Variants in DLG2 observed in about 807,000 individuals in gnomAD.
DLG2 encodes discs large MAGUK scaffold protein 2.
Under a neutral mutation model 132.5 loss-of-function variants are expected in DLG2, and 45 were observed. The observed-to-expected ratio is 0.34, with a 90% CI of 0.27 to 0.44. DLG2 has a LOEUF of 0.44. Ranked by LOEUF, DLG2 falls within the 20% of genes least tolerant of loss-of-function variation. DLG2 has a pLI of 1.00. For missense variants in DLG2, 1,045 were observed against 1,196.9 expected, an observed-to-expected ratio of 0.87 and a Z score of 1.87; for synonymous variants, 424 against 419.6, an observed-to-expected ratio of 1.01 and a Z score of -0.13.
intron 8 of DLG2, among the ~76,000 whole-genome samples, chr11:84,235,617 C>T (rs534650286): frequency 6.6e-6 from 1 of 152,268 alleles, no homozygotes; most frequent in East Asian, 1.9e-4. Flanking sequence ...CTGTCAACCA[C>T]AATCTCGAAC....
At chr11:85,390,384 A>G (rs2086697431) in intron 3 of DLG2, among the ~76,000 whole-genome samples, 1 of 152,182 alleles carries the variant, frequency 6.6e-6, no homozygotes, top group Non-Finnish European at 1.5e-5. Flanking sequence ...GACCTAAGAT[A>G]GACAGAAACA....
intron 6 of DLG2, among the ~76,000 whole-genome samples, chr11:84,834,546 AT>A (rs2079461887): frequency 6.6e-6 from 1 of 151,610 alleles, no homozygotes; most frequent in Admixed American, 6.6e-5. Flanking sequence ...AAAAGAACAT[AT>A]TGTGAAAAAA....
At chr11:84,123,842 T>C (rs966588586) in intron 9 of DLG2, among the ~76,000 whole-genome samples, 10 of 152,188 alleles carry the variant, frequency 6.6e-5, no homozygotes, top group Admixed American at 3.9e-4. Context: ...ATCAGAAATA[T>C]AGGAGAAATT....
chr11:84,171,027 T>C (rs2095807518), intron 8 of DLG2, among the ~76,000 whole-genome samples: 1 of 152,148 alleles, frequency 6.6e-6, no homozygotes, highest in Non-Finnish European at 1.5e-5. Flanking sequence ...AACTAAATAG[T>C]GGTATCACTT....
In DLG2 at chr11:84,272,464, T is replaced by G. The variant is rs143035491; in HGVS notation, c.520-21173A>C. Among the ~76,000 whole-genome samples the G allele has an allele frequency of 7.5e-3, 1,137 of 152,312 alleles. 13 individuals are homozygous for G. Among genetic ancestry groups the G allele is most frequent in the African/African-American group, 0.026 (1,082 of 41,574 alleles). On this transcript the variant is annotated intron_variant, in intron 7 of 27. Transcript: ENST00000376104. ...TAGATCTAATGAAAATAATCAAACA[T>G]TTTAATATTCTTCTTGGTAGTCCTA... is the stretch of plus-strand genomic sequence containing the variant.
intron 8 of DLG2, among the ~76,000 whole-genome samples, chr11:84,165,483 ATTTACCTCATGGGTC>A (rs754781487): frequency 5.9e-5 from 9 of 152,334 alleles, no homozygotes; most frequent in Non-Finnish European, 1.2e-4. Context: ...GCAGGCTTAT[ATTTACCTCATGGGTC>A]TTTCATTTTC....
intron 3 of DLG2, among the ~76,000 whole-genome samples, chr11:85,502,701 G>A (rs779758561): frequency 2.6e-5 from 4 of 151,994 alleles, no homozygotes; most frequent in South Asian, 2.1e-4. Context: ...CCTAATGCAC[G>A]TGGGGCTTAA....
intron 6 of DLG2, among the ~76,000 whole-genome samples, chr11:84,613,485 C>T (rs2099598927): frequency 6.6e-6 from 1 of 152,016 alleles, no homozygotes; most frequent in African/African-American, 2.4e-5. Context: ...TTGGTTTCTT[C>T]AACTGTAAGG....
intron 4 of DLG2, among the ~76,000 whole-genome samples, chr11:85,221,292 C>T (rs564040206): frequency 1.3e-5 from 2 of 152,114 alleles, no homozygotes; most frequent in South Asian, 2.1e-4. Context: ...CTCCTGACCT[C>T]GTGATCCATC....
At chr11:84,716,334 T>C (rs773780195) in intron 6 of DLG2, among the ~76,000 whole-genome samples, 2 of 152,122 alleles carry the variant, frequency 1.3e-5, no homozygotes, top group African/African-American at 4.8e-5. Context: ...CTGTAATTTA[T>C]AAAGTATTTT....
At chr11:85,375,429 A>G (rs2085328432) in intron 3 of DLG2, among the ~76,000 whole-genome samples, 1 of 152,184 alleles carries the variant, frequency 6.6e-6, no homozygotes, top group South Asian at 2.1e-4. Context: ...GCCTAACCCC[A>G]GCACTCTGGG....
intron 6 of DLG2, among the ~76,000 whole-genome samples, chr11:84,564,484 G>A (rs186034199): frequency 6.6e-6 from 1 of 152,132 alleles, no homozygotes. Context: ...AGGCAGGGGG[G>A]TTGCTTGGGA....
At chr11:83,726,761 A>AAACAAACC (rs2090084383) in intron 18 of DLG2, among the ~76,000 whole-genome samples, 1 of 151,556 alleles carries the variant, frequency 6.6e-6, no homozygotes, top group South Asian at 2.1e-4. Context: ...ACAAACAAAC[A>AAACAAACC]AACAAACAAA....
intron 4 of DLG2, among the ~76,000 whole-genome samples, chr11:85,155,260 G>C (rs967251994): frequency 7.2e-5 from 11 of 152,124 alleles, no homozygotes; most frequent in Non-Finnish European, 1.2e-4. Context: ...GTAAAAATTG[G>C]GGCTTGAGAA....
At chr11:85,051,037 G>A (rs1365613610) in intron 6 of DLG2, among the ~76,000 whole-genome samples, 1 of 152,098 alleles carries the variant, frequency 6.6e-6, no homozygotes, top group Non-Finnish European at 1.5e-5. Context: ...AAGAACAACA[G>A]ATTTCAAAGT....
chr11:85,377,872 TAC>T (rs996693453), intron 3 of DLG2, among the ~76,000 whole-genome samples: 37 of 149,298 alleles, frequency 2.5e-4, no homozygotes, highest in African/African-American at 5.9e-4. Flanking sequence ...TACATATATA[TAC>T]ACACACACAC....
rs1210248958 is a variant in DLG2, at chr11:83,459,806, G to A, written c.*12C>T. 2.0e-5 allele frequency: 29 copies of A among 1,428,386 alleles called. No individual in the cohort carries two copies. The Middle Eastern group carries it at 7.0e-4, about 34-fold the overall frequency. The allele number at this position is 1,428,386 out of a possible 1,614,324, so 88.5% of individuals were successfully genotyped here. A position where few individuals can be genotyped will look rare whatever the true frequency, so the allele number is the denominator to read the frequency against. ...ATGCTCTTCTGTCGTTGTCAGAGGC[G>A]CAGTAGCTAATTTATAACTTTTCCT... On this transcript the variant is annotated 3_prime_UTR_variant, in exon 28 of 28. Coordinates refer to ENST00000376104, the MANE Select transcript of DLG2 (RefSeq NM_001142699.3).
chr11:85,430,886 C>T (rs2091134742), intron 3 of DLG2, among the ~76,000 whole-genome samples: 1 of 148,118 alleles, frequency 6.8e-6, no homozygotes, highest in Non-Finnish European at 1.5e-5. Flanking sequence ...GCACAAGAAT[C>T]ACTTGAATCT....
chr11:85,441,178 A>G (rs751673101), intron 3 of DLG2, among the ~76,000 whole-genome samples: 1 of 152,160 alleles, frequency 6.6e-6, no homozygotes, highest in Non-Finnish European at 1.5e-5. Context: ...TTTTATTAAG[A>G]TTTCTTCTGT....
Sources: allele counts gnomAD v4.1 joint callset (sites outside exome capture counted in the v4.1 genomes callset), GRCh38; gene constraint gnomAD v4.1.1; transcripts MANE v1.5; gene names NCBI Gene and HGNC (gene_info 2026-07-23, HGNC 2026-07-21).